Variants in THAP8 observed in about 807,000 individuals in gnomAD.
THAP8 encodes THAP domain containing 8.
In THAP8, 24 loss-of-function variants were observed where a neutral mutation model predicts 25.0. The observed-to-expected ratio is 0.96, with a 90% confidence interval of 0.69 to 1.35. THAP8 has a LOEUF of 1.35. Ranked by LOEUF, THAP8 falls within the 40% of genes most tolerant of loss-of-function variation. The pLI is 0.00. For synonymous variants in THAP8, 169 were observed against 157.6 expected (o/e 1.07, Z -0.54); for missense variants, 399 against 368.8 (o/e 1.08, Z -0.67).
At chr19:36,052,378 G>T (rs1970081571) in intron 1 of THAP8, among the ~76,000 whole-genome samples, 1 of 152,178 alleles carries the variant, frequency 6.6e-6, no homozygotes, top group Non-Finnish European at 1.5e-5. Flanking sequence ...AATGCCTGAT[G>T]ATCTGAAGCG....
In THAP8 at chr19:36,035,161, C is replaced by A. The variant is rs1001390886; in HGVS notation, c.*279G>T. 2.3e-5 allele frequency: 8 copies of A among 350,360 alleles called. No homozygotes were observed. The highest frequency in any genetic ancestry group is 4.3e-5 in the Admixed American group (1 of 23,340). The allele number at this position is 350,360 out of a possible 1,614,324, so 21.7% of individuals were successfully genotyped here. A position where few individuals can be genotyped will look rare whatever the true frequency, so the allele number is the denominator to read the frequency against. ...ACCAGGTATGATTCTCCCAAACAAC[C>A]CTTGCTCTGCTCTGAGGCTGTCGTA... On this transcript the variant is annotated 3_prime_UTR_variant, in exon 4 of 4. Coordinates refer to ENST00000292894, the MANE Select transcript of THAP8 (RefSeq NM_152658.3).
upstream of THAP8, chr19:36,054,544 A>G: frequency 1.8e-6 from 1 of 553,650 alleles, no homozygotes; most frequent in Non-Finnish European, 3.3e-6. Context: ...CAACCAAATC[A>G]ACTGGCTAGT....
chr19:36,038,044 A>C (rs1390977328), intron 3 of THAP8, among the ~76,000 whole-genome samples: 1 of 152,052 alleles, frequency 6.6e-6, no homozygotes, highest in Non-Finnish European at 1.5e-5. Context: ...TCCAGGGTTC[A>C]AGCAATTCTC....
rs202180130 is a variant in THAP8 at position 36,039,681 on chromosome 19, G to A, written c.314C>T (p.Ser105Leu). The A allele has an allele frequency of 5.0e-5, 76 of 1,526,100 alleles. No individual in the cohort carries two copies. The East Asian group carries it at 1.5e-3, about 31-fold the overall frequency. 94.5% of individuals were successfully genotyped at this position (1,526,100 alleles called of 1,614,324 possible). The change falls in exon 3 of 4, where the codon TCG (serine) becomes TTG (leucine). Residue 105 changes from serine to leucine, a missense_variant. Physicochemically the swap from Ser to Leu is moderately radical, Grantham distance 145. Transcript: ENST00000292894. ...RRTRSTQKPV[S>L]PPPPLQKNTP... ...ATTCTTCTGTAGGGGAGGCGGCGGC[G>A]AGACTGGCTTCTGGGTGCTTCGGGT...
chr19:36,039,599 C>A lies in THAP8; in HGVS notation c.396G>T (p.Val132=). 6.6e-7 allele frequency: 1 copy of A among 1,511,952 alleles called. No individual in the cohort carries two copies. The highest frequency in any genetic ancestry group is 8.9e-7 in the Non-Finnish European group (1 of 1,126,072). The allele number at this position is 1,511,952 out of a possible 1,614,324, so 93.7% of individuals were successfully genotyped here. A position where few individuals can be genotyped will look rare whatever the true frequency, so the allele number is the denominator to read the frequency against. ...IPVSGPVRLV[V]LGPTSGSPKT... is the part of the protein sequence containing the mutation. ...TGGGGCTCCCCGATGTGGGGCCCAG[C>A]ACCACTAGGCGCACTGGGCCAGAGA... The change falls in exon 3 of 4, where the codon GTG becomes GTT. Residue 132 remains valine (V), a synonymous_variant. Coordinates refer to ENST00000292894, the MANE Select transcript of THAP8 (RefSeq NM_152658.3).
At chr19:36,045,581 T>C in intron 1 of THAP8, 1 of 378,648 alleles carries the variant, frequency 2.6e-6, no homozygotes, top group Non-Finnish European at 5.2e-6. Flanking sequence ...AATATTACCT[T>C]ATATGACAAA....
rs775263153 is a variant in THAP8, at chr19:36,035,406, A to G, written c.*34T>C. 6.3e-7 allele frequency: 1 copy of G among 1,595,016 alleles called. No homozygotes were observed. The highest frequency in any genetic ancestry group is 8.6e-7 in the Non-Finnish European group (1 of 1,165,726). On this transcript the variant is annotated 3_prime_UTR_variant, in exon 4 of 4. Transcript: ENST00000292894. The stretch of plus-strand genomic sequence containing the variant: ...TAATGTCTTTCCTCCTCCATCTTCT[A>G]TCTTTTGTCCCTCGACATTGTCTGT...
chr19:36,052,025 TTTTG>T (rs1458040659), intron 1 of THAP8, among the ~76,000 whole-genome samples: 6 of 152,038 alleles, frequency 3.9e-5, no homozygotes, highest in Middle Eastern at 3.4e-3. Context: ...TCCATTTTTT[TTTTG>T]TTTGTTTGTT....
intron 1 of THAP8, among the ~76,000 whole-genome samples, chr19:36,041,539 G>C (rs977435032): frequency 1.3e-5 from 2 of 152,046 alleles, no homozygotes; most frequent in African/African-American, 4.8e-5. Flanking sequence ...GGATACTGAG[G>C]GCTCTACTTT....
At chr19:36,051,148 T>C (rs1436551761) in intron 1 of THAP8, among the ~76,000 whole-genome samples, 1 of 152,118 alleles carries the variant, frequency 6.6e-6, no homozygotes, top group Non-Finnish European at 1.5e-5. Context: ...CAGTTACAGT[T>C]TTCCATAGGG....
chr19:36,053,552 C>CAAAAAAAAAA (rs766799036), intron 1 of THAP8, among the ~76,000 whole-genome samples: 2 of 58,932 alleles, frequency 3.4e-5, no homozygotes, highest in Non-Finnish European at 3.4e-5. Context: ...GATCTTGTCT[C>CAAAAAAAAAA]AAAAAAAAAA....
chr19:36,041,187 C>T (rs1394941546), intron 1 of THAP8, among the ~76,000 whole-genome samples: 1 of 151,702 alleles, frequency 6.6e-6, no homozygotes, highest in Non-Finnish European at 1.5e-5. Flanking sequence ...TGGTACATGC[C>T]TGTAGTCCCA....
Position 36,035,241 on chromosome 19 carries a change from G to T in THAP8, c.*199C>A. On this transcript the variant is annotated 3_prime_UTR_variant, in exon 4 of 4. Transcript: ENST00000292894. ...GCAGAAGCCTGGTACCCAGGGGATT[G>T]GGGGCTGATGAGAGACTTGGGCCCA... is the stretch of plus-strand genomic sequence containing the variant. The T allele has an allele frequency of 1.7e-6, 1 of 591,318 alleles. No homozygotes were observed. Among genetic ancestry groups the T allele is most frequent in the Non-Finnish European group, 2.8e-6 (1 of 356,700 alleles). 36.6% of individuals were successfully genotyped at this position (591,318 alleles called of 1,614,324 possible).
At chr19:36,046,434 T>G (rs1969883993) in intron 1 of THAP8, among the ~76,000 whole-genome samples, 1 of 151,948 alleles carries the variant, frequency 6.6e-6, no homozygotes, top group Admixed American at 6.6e-5. Context: ...AGGCTACCAG[T>G]GGGGAGGAGG....
At chr19:36,049,182 T>C (rs745403708) in intron 1 of THAP8, among the ~76,000 whole-genome samples, 1 of 151,830 alleles carries the variant, frequency 6.6e-6, no homozygotes, top group Non-Finnish European at 1.5e-5. Context: ...GTTAAGCTGA[T>C]TTAACATTGT....
At chr19:36,041,821 C>G (rs1056333788) in intron 1 of THAP8, among the ~76,000 whole-genome samples, 19 of 152,164 alleles carry the variant, frequency 1.2e-4, no homozygotes, top group Admixed American at 1.2e-3. Flanking sequence ...TGGCTTGTGT[C>G]TGTAATCCCA....
intron 2 of THAP8, 27 bp downstream of exon 2, chr19:36,039,917 C>T: frequency 6.2e-7 from 1 of 1,610,944 alleles, no homozygotes; most frequent in Non-Finnish European, 8.5e-7. Flanking sequence ...GGGTTGGATT[C>T]CAGCAGCAGG....
At position 36,046,168 on chromosome 19, in the gene THAP8, G is replaced by T. The variant is rs1347270444; in HGVS notation, c.84-6032C>A. Among the ~76,000 whole-genome samples the T allele has an allele frequency of 5.9e-5, 9 of 152,240 alleles. No individual in the cohort carries two copies. The South Asian group carries it at 8.3e-4, about 14-fold the overall frequency. On this transcript the variant is annotated intron_variant, in intron 1 of 3. Coordinates refer to ENST00000292894, the MANE Select transcript of THAP8 (RefSeq NM_152658.3). ...CCCCATGCTGTTCCCATGATAGTGAGTGAGTTCTCATGAGATCTGATGGTT... is the reference window on the plus strand; with the variant it reads ...CCCCATGCTGTTCCCATGATAGTGATTGAGTTCTCATGAGATCTGATGGTT...
intron 1 of THAP8, among the ~76,000 whole-genome samples, chr19:36,048,869 A>AAAAAAC (rs1555790111): frequency 8.0e-5 from 12 of 150,746 alleles, no homozygotes; most frequent in South Asian, 2.1e-4. Flanking sequence ...AAAAAACAAA[A>AAAAAAC]AACACCTTTG....
Sources: allele counts gnomAD v4.1 joint callset (sites outside exome capture counted in the v4.1 genomes callset), GRCh38; gene constraint gnomAD v4.1.1; transcripts MANE v1.5; gene names NCBI Gene and HGNC (gene_info 2026-07-23, HGNC 2026-07-21).